Variants in SNX29 observed in about 807,000 individuals in gnomAD.
SNX29 encodes sorting nexin-29.
SNX29 carries 78 observed loss-of-function variants against 102.1 expected under a neutral mutation model. That is an observed-to-expected ratio of 0.76 (90% CI 0.64 to 0.92). The LOEUF is 0.92. Among genes scored for constraint, SNX29 ranks in the 40% least tolerant of loss-of-function variants. SNX29 has a pLI of 0.00. For synonymous variants in SNX29, 580 were observed against 414.5 expected, an observed-to-expected ratio of 1.40 and a Z score of -4.85; for missense variants, 1,280 against 1,061.7, an observed-to-expected ratio of 1.21 and a Z score of -2.86.
chr16:12,091,897 T>C (rs1023388449), intron 11 of SNX29, among the ~76,000 whole-genome samples: 2 of 152,058 alleles, frequency 1.3e-5, no homozygotes, highest in Non-Finnish European at 2.9e-5. Context: ...ATCCCGAATC[T>C]GTCGGTGCCT....
chr16:12,481,395 TACACAC>T (rs149352429), intron 19 of SNX29, among the ~76,000 whole-genome samples: 9 of 149,740 alleles, frequency 6.0e-5, no homozygotes, highest in Non-Finnish European at 1.2e-4. Context: ...TATATATATA[TACACAC>T]ACACACACAC....
chr16:12,126,899 G>A (rs565668012), intron 12 of SNX29, among the ~76,000 whole-genome samples: 3 of 152,288 alleles, frequency 2.0e-5, no homozygotes, highest in Admixed American at 6.5e-5. Context: ...AAAGAAGTGA[G>A]AACCTTATGA....
At chr16:12,145,598 A>G (rs547282458) in intron 13 of SNX29, among the ~76,000 whole-genome samples, 68 of 152,374 alleles carry the variant, frequency 4.5e-4, no homozygotes, top group South Asian at 1.0e-3. Context: ...CACAATTACC[A>G]TCAATGAATT....
At chr16:12,131,614 G>C (rs1251840922) in intron 13 of SNX29, among the ~76,000 whole-genome samples, 1 of 152,144 alleles carries the variant, frequency 6.6e-6, no homozygotes, top group Non-Finnish European at 1.5e-5. Flanking sequence ...CATTCAGGTT[G>C]TTTCCAGTTT....
rs199674198 is a variant in SNX29 at position 12,530,484 on chromosome 16, AATC to A, written c.2318+5648_2318+5650del. 5.3e-3 allele frequency among the ~76,000 whole-genome samples: 802 copies of A among 152,254 alleles called. 9 individuals carry two copies. Among genetic ancestry groups the A allele is most frequent in the African/African-American group, 0.019 (774 of 41,548 alleles). On this transcript the variant is annotated intron_variant, in intron 20 of 20. Coordinates refer to ENST00000566228, the MANE Select transcript of SNX29 (RefSeq NM_032167.5). Reference sequence around the variant, plus strand: ...GTCAAGTCTTTTGTGTAACTGCAGAAATCATCAATATTTATGTAAGTCAAATAG... The same window carrying A: ...GTCAAGTCTTTTGTGTAACTGCAGAAATCAATATTTATGTAAGTCAAATAG...
At chr16:12,095,983 G>C (rs534506681) in intron 11 of SNX29, among the ~76,000 whole-genome samples, 2 of 152,246 alleles carry the variant, frequency 1.3e-5, no homozygotes, top group African/African-American at 4.8e-5. Flanking sequence ...CAGAAATGAA[G>C]TTGAGGAGTG....
intron 11 of SNX29, among the ~76,000 whole-genome samples, chr16:12,093,095 A>G (rs1351523898): frequency 6.6e-6 from 1 of 152,236 alleles, no homozygotes; most frequent in Non-Finnish European, 1.5e-5. Context: ...TCTTTGTGAA[A>G]GGCAAATGTC....
intron 15 of SNX29, 58 bp downstream of exon 15, chr16:12,278,094 T>G (rs776951797): frequency 1.4e-6 from 2 of 1,468,780 alleles, no homozygotes; most frequent in East Asian, 2.5e-5. Context: ...TTGGAGACTT[T>G]CCAGGGTAGG....
At chr16:12,174,271 G>A (rs1482827301) in intron 13 of SNX29, among the ~76,000 whole-genome samples, 1 of 152,230 alleles carries the variant, frequency 6.6e-6, no homozygotes, top group African/African-American at 2.4e-5. Context: ...CTTCTGAGCT[G>A]TAGGAATTAT....
chr16:12,410,051 G>A (rs2084333216), intron 18 of SNX29, among the ~76,000 whole-genome samples: 1 of 152,020 alleles, frequency 6.6e-6, no homozygotes, highest in South Asian at 2.1e-4. Flanking sequence ...CTGGAGTGCA[G>A]TAGCGCAATC....
chr16:12,539,387 C>T (rs528478807), intron 20 of SNX29, among the ~76,000 whole-genome samples: 4 of 152,118 alleles, frequency 2.6e-5, no homozygotes, highest in Admixed American at 2.6e-4. Flanking sequence ...TGGCGTCTTT[C>T]AGCATGTGTG....
intron 1 of SNX29, among the ~76,000 whole-genome samples, chr16:11,993,735 C>T (rs1255032222): frequency 6.6e-6 from 1 of 152,066 alleles, no homozygotes; most frequent in Non-Finnish European, 1.5e-5. Flanking sequence ...TGAATGGTGA[C>T]CCCAGGCAGA....
At chr16:12,385,681 G>T (rs996460337) in intron 16 of SNX29, among the ~76,000 whole-genome samples, 4 of 152,222 alleles carry the variant, frequency 2.6e-5, no homozygotes, top group African/African-American at 4.8e-5. Flanking sequence ...CAAAGGAAAA[G>T]CGTGTGTGCT....
intron 11 of SNX29, among the ~76,000 whole-genome samples, chr16:12,123,620 G>A (rs1454186560): frequency 6.6e-6 from 1 of 152,144 alleles, no homozygotes; most frequent in Admixed American, 6.5e-5. Context: ...CTGCTGTTCC[G>A]TTTCTCTCCG....
chr16:12,453,565 G>C (rs551246560), intron 18 of SNX29, among the ~76,000 whole-genome samples: 20 of 150,860 alleles, frequency 1.3e-4, no homozygotes, highest in Non-Finnish European at 2.4e-4. Flanking sequence ...TTTTTTTTAA[G>C]AAATGGGGTC....
intron 16 of SNX29, among the ~76,000 whole-genome samples, chr16:12,382,874 A>G (rs1366287618): frequency 6.6e-6 from 1 of 151,286 alleles, no homozygotes; most frequent in African/African-American, 2.4e-5. Flanking sequence ...TATCTCTCTT[A>G]TAAGGACACC....
At chr16:12,030,282 C>T (rs1036473428) in intron 4 of SNX29, among the ~76,000 whole-genome samples, 4 of 152,174 alleles carry the variant, frequency 2.6e-5, no homozygotes, top group African/African-American at 7.2e-5. Flanking sequence ...TAGTCATACC[C>T]GCAGCCCAGA....
chr16:12,486,275 G>C (rs756835654), intron 19 of SNX29, among the ~76,000 whole-genome samples: 1 of 152,206 alleles, frequency 6.6e-6, no homozygotes, highest in Non-Finnish European at 1.5e-5. Flanking sequence ...GGCCCACCCA[G>C]ATTATCCAGG....
At chr16:12,410,719 C>T (rs2084364530) in intron 18 of SNX29, among the ~76,000 whole-genome samples, 1 of 152,214 alleles carries the variant, frequency 6.6e-6, no homozygotes, top group Non-Finnish European at 1.5e-5. Flanking sequence ...CAGGTGCAAG[C>T]CACTGTGCCT....
Sources: gnomAD v4.1 joint callset for allele counts (sites outside exome capture counted in the v4.1 genomes callset) on GRCh38, gnomAD v4.1.1 for gene constraint, MANE v1.5 for transcripts, NCBI Gene and HGNC (gene_info 2026-07-23, HGNC 2026-07-21) for gene names.